TAMALIN: variants seen among roughly 807,000 people sequenced by gnomAD.
TAMALIN encodes the protein trafficking regulator and scaffold protein tamalin, also known as protein TAMALIN.
Under a neutral mutation model 38.5 loss-of-function variants are expected in TAMALIN, and 9 were observed. The ratio of observed to expected loss-of-function variants is 0.23; its 90% CI spans 0.14 to 0.41. TAMALIN has a LOEUF of 0.41. Among genes scored for constraint, TAMALIN ranks in the 10% least tolerant of loss-of-function variants. TAMALIN has a pLI of 1.00. For missense variants in TAMALIN, 548 were observed against 554.1 expected (o/e 0.99, Z 0.11); for synonymous variants, 306 against 256.5 (o/e 1.19, Z -1.85).
At chr12:52,012,982 A>C (rs569591318) in intron 4 of TAMALIN, among the ~76,000 whole-genome samples, 1 of 151,962 alleles carries the variant, frequency 6.6e-6, no homozygotes, top group Non-Finnish European at 1.5e-5. Context: ...CCCTGAATTG[A>C]CTGGGTCTTA....
chr12:52,008,601 T>C, intron 1 of TAMALIN: 1 of 985,446 alleles, frequency 1.0e-6, no homozygotes, highest in South Asian at 4.7e-5. Flanking sequence ...AAACGGCCTG[T>C]ACCTTAGGAG....
rs1592274827 is a variant in TAMALIN, at chr12:52,015,058, C to A, written c.1047C>A (p.Gly349=). The change falls in exon 8 of 8, where the codon GGC becomes GGA. Residue 349 remains glycine (G), a synonymous_variant. Transcript: ENST00000293662. ...GGGGCGGAGGCGGGGGCGCGCCGGGCGCGCTCTGGACTGAGGCTCGCGAGC... is the reference window on the plus strand; with the variant it reads ...GGGGCGGAGGCGGGGGCGCGCCGGGAGCGCTCTGGACTGAGGCTCGCGAGC... ...PGGGGGGGAP[G]ALWTEAREQA... is the part of the protein sequence containing the mutation. 5 of 1,400,652 alleles carry A rather than the reference C, an allele frequency of 3.6e-6. No individual in the cohort carries two copies. The highest frequency in any genetic ancestry group is 4.6e-6 in the Non-Finnish European group (5 of 1,087,152). 86.8% of individuals were successfully genotyped at this position (1,400,652 alleles called of 1,614,324 possible). A position where few individuals can be genotyped will look rare whatever the true frequency, so the allele number is the denominator to read the frequency against.
Position 52,015,121 on chromosome 12 carries a change from C to T in TAMALIN, c.1110C>T (p.Tyr370=). Residue 370 remains tyrosine (Y), a synonymous_variant, in exon 8 of 8, where the codon TAC becomes TAT. Coordinates refer to ENST00000293662, the MANE Select transcript of TAMALIN (RefSeq NM_181711.4). ...GCCCCGGCCTGCGCAAAACCAAGTA[C>T]CGCAGCTTCCGCCGGCGGCTGCTCA... ...LCGPGLRKTK[Y]RSFRRRLLKF... 4 of 1,586,740 alleles carry T rather than the reference C, an allele frequency of 2.5e-6. No individual in the cohort carries two copies. Among genetic ancestry groups the T allele is most frequent in the African/African-American group, 1.3e-5 (1 of 74,710 alleles).
At chr12:52,013,500 G>C (rs999516534) in intron 4 of TAMALIN, 187 bp from the exon 5 acceptor site, 4 of 599,722 alleles carry the variant, frequency 6.7e-6, no homozygotes, top group South Asian at 5.7e-5. Flanking sequence ...CTGTGGTTCT[G>C]TGTGTTTGGA....
At chr12:52,009,504 T>A (rs1942465098) in intron 2 of TAMALIN, among the ~76,000 whole-genome samples, 1 of 152,204 alleles carries the variant, frequency 6.6e-6, no homozygotes, top group South Asian at 2.1e-4. Flanking sequence ...GAGATCTGGA[T>A]GAACGGATGT....
chr12:52,013,670 C>T lies in TAMALIN; in HGVS notation c.455-17C>T. On this transcript the variant is annotated splice_polypyrimidine_tract_variant and intron_variant, in intron 4 of 7. Transcript: ENST00000293662. ...ATGCCCCATGGAGCAAATCTAACCC[C>T]CTTGTCTGCCTGGCAGGGGACACCA... 6.2e-7 allele frequency: 1 copy of T among 1,612,826 alleles called. No individual in the cohort carries two copies. The highest frequency in any genetic ancestry group is 8.5e-7 in the Non-Finnish European group (1 of 1,178,966).
In TAMALIN at chr12:52,011,058, G is replaced by A. The variant is rs746024485; in HGVS notation, c.371G>A (p.Arg124Gln). The A allele has an allele frequency of 1.5e-5, 25 of 1,613,264 alleles. No homozygotes were observed. The East Asian group carries it at 2.0e-4, about 13-fold the overall frequency. ...FEIQTYGLHH[R>Q]EEQRVEMVTF... ...TTACAGACTTATGGCCTTCACCACC[G>A]GGAGGAGCAGCGTGTGGAAATGGTG... The change falls in exon 4 of 8, where the codon CGG becomes CAG. Residue 124 changes from arginine (R) to glutamine (Q), a missense_variant. Physicochemically the swap from Arg to Gln is conservative, Grantham distance 43. Transcript: ENST00000293662. This position sits in a 1 kb window ranked among gnomAD's most constrained non-coding sequence, Gnocchi z 5.3.
chr12:52,012,523 G>A (rs899782671), intron 4 of TAMALIN, among the ~76,000 whole-genome samples: 2 of 152,308 alleles, frequency 1.3e-5, no homozygotes, highest in Middle Eastern at 3.4e-3. Context: ...CAAAGTGCTG[G>A]GATTACAGGT....
At chr12:52,010,680 T>C in intron 2 of TAMALIN, 1 of 887,170 alleles carries the variant, frequency 1.1e-6, no homozygotes, top group South Asian at 1.7e-5. Flanking sequence ...GAGGCTGGAT[T>C]GGTTCTCTGT....
Position 52,014,682 on chromosome 12 carries a change from GTC to G in TAMALIN, c.683-8_683-7del, listed in dbSNP as rs1937745162. 2.0e-6 allele frequency: 3 copies of G among 1,475,942 alleles called. No homozygotes were observed. The highest frequency in any genetic ancestry group is 2.7e-6 in the Non-Finnish European group (3 of 1,126,692). The allele number at this position is 1,475,942 out of a possible 1,614,324, so 91.4% of individuals were successfully genotyped here. A position where few individuals can be genotyped will look rare whatever the true frequency, so the allele number is the denominator to read the frequency against. ...GCCTGACCCGCCCCCTACCTCTCCC[GTC>G]TCTGCGCAGGCCTGGTGGTGAAGGA... On this transcript the variant is annotated splice_polypyrimidine_tract_variant and intron_variant, in intron 7 of 7. Transcript: ENST00000293662.
chr12:52,009,467 A>C (rs1310833910), intron 2 of TAMALIN, among the ~76,000 whole-genome samples: 1 of 152,196 alleles, frequency 6.6e-6, no homozygotes, highest in Non-Finnish European at 1.5e-5. Context: ...ACACACCCCC[A>C]GTCCCTGCCA....
At chr12:52,008,003 G>T in intron 1 of TAMALIN, 1 of 985,464 alleles carries the variant, frequency 1.0e-6, no homozygotes, top group South Asian at 4.7e-5. Flanking sequence ...AAGAAGAGGG[G>T]CCTGGTGGCC....
At position 52,015,250 on chromosome 12, in the gene TAMALIN, G is replaced by A. The variant is rs1280252163; in HGVS notation, c.*51G>A. 6.6e-7 allele frequency: 1 copy of A among 1,519,928 alleles called. No homozygotes were observed. The highest frequency in any genetic ancestry group is 1.4e-5 in the African/African-American group (1 of 70,406). The allele number at this position is 1,519,928 out of a possible 1,614,324, so 94.2% of individuals were successfully genotyped here. On this transcript the variant is annotated 3_prime_UTR_variant, in exon 8 of 8. Transcript: ENST00000293662. Reference sequence around the variant, plus strand: ...TATTTATTTATTCGCAACAGCCAGCGCTAAAAGAGGGGGAGGCCGAGCCAA... The same window carrying A: ...TATTTATTTATTCGCAACAGCCAGCACTAAAAGAGGGGGAGGCCGAGCCAA...
rs920054281 is a variant in TAMALIN, at chr12:52,011,939, A to G, written c.454+798A>G. 2.6e-5 allele frequency among the ~76,000 whole-genome samples: 4 copies of G among 152,160 alleles called. No homozygotes were observed. The highest frequency in any genetic ancestry group is 1.9e-4 in the East Asian group (1 of 5,190). ...CTATCTTAGTCCATTTTCTGTTACC[A>G]TAACAGAATACCTGATACTGGGTAA... On this transcript the variant is annotated intron_variant, in intron 4 of 7. Transcript: ENST00000293662. This position sits in a 1 kb window ranked among gnomAD's most constrained non-coding sequence, Gnocchi z 5.3.
At chr12:52,014,482 C>T in intron 7 of TAMALIN, 1 of 600,756 alleles carries the variant, frequency 1.7e-6, no homozygotes. Context: ...ATTTCCGAGG[C>T]CCGTTTGTGC....
In TAMALIN at chr12:52,007,677, G is replaced by A. The variant is rs1942437091; in HGVS notation, c.246+412G>A. 1 of 985,382 alleles carries A rather than the reference G, an allele frequency of 1.0e-6. No individual in the cohort carries two copies. Among genetic ancestry groups the A allele is most frequent in the Non-Finnish European group, 1.2e-6 (1 of 829,914 alleles). The allele number at this position is 985,382 out of a possible 1,614,324, so 61.0% of individuals were successfully genotyped here. A position where few individuals can be genotyped will look rare whatever the true frequency, so the allele number is the denominator to read the frequency against. On this transcript the variant is annotated intron_variant, in intron 1 of 7. Coordinates refer to ENST00000293662, the MANE Select transcript of TAMALIN (RefSeq NM_181711.4). This position sits in a 1 kb window ranked among gnomAD's most constrained non-coding sequence, Gnocchi z 6.7. ...TCCGAGAGCCCCCGGTGGGAGAAGC[G>A]GGCCGGTGGCTGCGCCGCGTGCGTT...
In TAMALIN at chr12:52,015,095, G is replaced by T. The variant is rs200789033; in HGVS notation, c.1084G>T (p.Gly362Cys). Residue 362 changes from glycine to cysteine, a missense_variant, in exon 8 of 8, where the codon GGC becomes TGC. Around this residue, in one of 3 missense-constraint regions of TAMALIN, gnomAD observed 415 missense variants for 417.0 expected, o/e 1.00. Transcript: ENST00000293662. ...TGAGGCTCGCGAGCAGGCCCTATGC[G>T]GCCCCGGCCTGCGCAAAACCAAGTA... ...WTEAREQALC[G>C]PGLRKTKYRS... 1.3e-6 allele frequency: 2 copies of T among 1,553,608 alleles called. No homozygotes were observed. The highest frequency in any genetic ancestry group is 8.6e-7 in the Non-Finnish European group (1 of 1,158,120).
chr12:52,009,109 G>GTTACC, intron 1 of TAMALIN, 81 bp from the exon 2 acceptor site: 1 of 1,350,764 alleles, frequency 7.4e-7, no homozygotes, highest in Non-Finnish European at 1.1e-6. Flanking sequence ...GAAGTGGGTC[G>GTTACC]CTGTGTCCAG....
In TAMALIN at chr12:52,008,027, C is replaced by G. The variant is rs559509620; in HGVS notation, c.246+762C>G. The G allele has an allele frequency of 2.0e-4, 196 of 985,462 alleles. No homozygotes were observed. In the African/African-American group the frequency reaches 3.3e-3, roughly 17 times the overall value. 61.0% of individuals were successfully genotyped at this position (985,462 alleles called of 1,614,324 possible). On this transcript the variant is annotated intron_variant, in intron 1 of 7. Coordinates refer to ENST00000293662, the MANE Select transcript of TAMALIN (RefSeq NM_181711.4). ...GGCCTGGTGGCCTTTCCTCACCCAG[C>G]CGCCCTCCTTCGCCCCGGCCCCCAG...
Sources: allele counts gnomAD v4.1 joint callset (sites outside exome capture counted in the v4.1 genomes callset), GRCh38; gene constraint gnomAD v4.1.1; regional missense constraint gnomAD v4.1.1; non-coding constraint Gnocchi (gnomAD v3.1); transcripts MANE v1.5; gene names NCBI Gene and HGNC (gene_info 2026-07-23, HGNC 2026-07-21).